The following SLC5A7 variants were observed in gnomAD, a reference collection of about 807,000 sequenced individuals.
SLC5A7 encodes high affinity choline transporter 1.
In SLC5A7, 19 loss-of-function variants were observed where a neutral mutation model predicts 55.4. That is an observed-to-expected ratio of 0.34 (90% CI 0.24 to 0.50). The LOEUF is 0.50. Among genes scored for constraint, SLC5A7 ranks in the 20% least tolerant of loss-of-function variants. The pLI is 0.98. For synonymous variants in SLC5A7, 265 were observed against 263.7 expected (o/e 1.00, Z -0.05); for missense variants, 506 against 705.3 (o/e 0.72, Z 3.20).
At chr2:108,005,448 G>C (rs1428885589) in intron 6 of SLC5A7, among the ~76,000 whole-genome samples, 1 of 152,166 alleles carries the variant, frequency 6.6e-6, no homozygotes, top group Non-Finnish European at 1.5e-5. Flanking sequence ...CTCTGGGGTA[G>C]TTTAAATACA....
chr2:107,988,490 T>C (rs374637770), intron 2 of SLC5A7, among the ~76,000 whole-genome samples, 157 bp downstream of exon 2: 2 of 152,240 alleles, frequency 1.3e-5, no homozygotes, highest in African/African-American at 4.8e-5. Flanking sequence ...TAATTTTCTA[T>C]TGATTTAAAA....
intron 1 of SLC5A7, among the ~76,000 whole-genome samples, chr2:107,987,527 G>A (rs552526168): frequency 6.6e-6 from 1 of 151,822 alleles, no homozygotes; most frequent in Non-Finnish European, 1.5e-5. Context: ...TGAAAATGTG[G>A]AGTTTGATGT....
chr2:108,006,302 T>A (rs1177912683), intron 7 of SLC5A7, 100 bp downstream of exon 7: 7 of 1,330,216 alleles, frequency 5.3e-6, no homozygotes, highest in Non-Finnish European at 5.3e-6. Flanking sequence ...CATAGTGAAT[T>A]CTTTCTCACC....
At chr2:107,995,438 T>G (rs2104348623) in intron 4 of SLC5A7, among the ~76,000 whole-genome samples, 1 of 148,252 alleles carries the variant, frequency 6.7e-6, no homozygotes, top group East Asian at 2.0e-4. Context: ...TTGCTTGAAC[T>G]CTTTGGGAGA....
chr2:108,006,675 T>C (rs1678136574), intron 7 of SLC5A7, among the ~76,000 whole-genome samples: 3 of 152,094 alleles, frequency 2.0e-5, no homozygotes, highest in Admixed American at 2.0e-4. Flanking sequence ...GGTGGGGAGA[T>C]CTTTTAAAAA....
rs866214657 is a variant in SLC5A7 at position 108,011,684 on chromosome 2, C to T, written c.*823C>T. ...TATCTCAAGTATATAAAGTTTTGCC[C>T]CATGATAAAATAAGTAACATATAAA... On this transcript the variant is annotated 3_prime_UTR_variant, in exon 9 of 9. Coordinates refer to ENST00000264047, the MANE Select transcript of SLC5A7 (RefSeq NM_021815.5). 1 of 151,828 alleles carries T rather than the reference C, an allele frequency of 6.6e-6. No individual in the cohort carries two copies. The highest frequency in any genetic ancestry group is 6.6e-5 in the Admixed American group (1 of 15,220). 9.4% of individuals were successfully genotyped at this position (151,828 alleles called of 1,614,324 possible).
chr2:108,010,089 G>T, intron 8 of SLC5A7, 143 bp from the exon 9 acceptor site: 1 of 941,576 alleles, frequency 1.1e-6, no homozygotes. Context: ...TGCTGTAGCT[G>T]TAGTTGGTTT....
intron 4 of SLC5A7, among the ~76,000 whole-genome samples, chr2:107,997,101 T>C (rs1677699212): frequency 6.6e-6 from 1 of 152,232 alleles, no homozygotes; most frequent in African/African-American, 2.4e-5. Context: ...GTGATCATGT[T>C]TCTCAGAAAG....
chr2:107,997,498 T>C (rs570718082), intron 4 of SLC5A7, among the ~76,000 whole-genome samples: 1 of 152,350 alleles, frequency 6.6e-6, no homozygotes, highest in African/African-American at 2.4e-5. Flanking sequence ...TGTATTTGAT[T>C]GAGTCAGAGT....
At chr2:108,001,672 CAAAA>C (rs71309338) in intron 5 of SLC5A7, among the ~76,000 whole-genome samples, 2 of 75,408 alleles carry the variant, frequency 2.7e-5, no homozygotes, top group Non-Finnish European at 4.9e-5. Context: ...GACTCCGTCT[CAAAA>C]AAAAAAAAAA....
chr2:108,003,181 G>C (rs1050934763), intron 6 of SLC5A7, among the ~76,000 whole-genome samples: 1 of 152,120 alleles, frequency 6.6e-6, no homozygotes, highest in African/African-American at 2.4e-5. Flanking sequence ...AGGAGTAAGA[G>C]TAAATATGTA....
Position 108,011,309 on chromosome 2 carries a change from G to C in SLC5A7, c.*448G>C, listed in dbSNP as rs1678319130. 2 of 153,066 alleles carry C rather than the reference G, an allele frequency of 1.3e-5. No homozygotes were observed. Among genetic ancestry groups the C allele is most frequent in the Admixed American group, 1.3e-4 (2 of 15,298 alleles). The allele number at this position is 153,066 out of a possible 1,614,324, so 9.5% of individuals were successfully genotyped here. A position where few individuals can be genotyped will look rare whatever the true frequency, so the allele number is the denominator to read the frequency against. Reference sequence around the variant, plus strand: ...AATAACTTCAGTCACTCCCTTGAATGGTGCAATGAATTAACCAGCTGATTT... The same window carrying C: ...AATAACTTCAGTCACTCCCTTGAATCGTGCAATGAATTAACCAGCTGATTT... On this transcript the variant is annotated 3_prime_UTR_variant, in exon 9 of 9. Coordinates refer to ENST00000264047, the MANE Select transcript of SLC5A7 (RefSeq NM_021815.5).
At chr2:108,007,015 A>G (rs1402980810) in intron 7 of SLC5A7, among the ~76,000 whole-genome samples, 1 of 152,220 alleles carries the variant, frequency 6.6e-6, no homozygotes, top group Non-Finnish European at 1.5e-5. Flanking sequence ...TGAAATGTTT[A>G]TCTCCCTGTT....
At chr2:107,992,608 T>G (rs979305981) in intron 3 of SLC5A7, among the ~76,000 whole-genome samples, 10 of 152,298 alleles carry the variant, frequency 6.6e-5, no homozygotes, top group Non-Finnish European at 1.2e-4. Flanking sequence ...AGGTACCTCA[T>G]TTTTGGGGCA....
chr2:107,986,925 A>G (rs1198726932), intron 1 of SLC5A7, among the ~76,000 whole-genome samples, 162 bp downstream of exon 1: 1 of 151,956 alleles, frequency 6.6e-6, no homozygotes, highest in African/African-American at 2.4e-5. Context: ...GTCAGGGTGC[A>G]AGAGGCTACA....
In SLC5A7 at chr2:108,010,340, C is replaced by G; in HGVS notation, c.1222C>G (p.Leu408Val). 6.2e-7 allele frequency: 1 copy of G among 1,613,934 alleles called. No homozygotes were observed. Among genetic ancestry groups the G allele is most frequent in the Non-Finnish European group, 8.5e-7 (1 of 1,179,916 alleles). The change falls in exon 9 of 9, where the codon CTC becomes GTC. Residue 408 changes from leucine (L) to valine (V), a missense_variant. Transcript: ENST00000264047. Reference protein sequence around the residue: ...LTKTVYGLWYLSSDLVYIVIF... With the variant: ...LTKTVYGLWYVSSDLVYIVIF... ...GAAAACTGTGTATGGGCTCTGGTAC[C>G]TCAGTTCTGACCTTGTTTACATCGT...
At chr2:108,000,884 A>C (rs1025915890) in intron 5 of SLC5A7, among the ~76,000 whole-genome samples, 1 of 149,994 alleles carries the variant, frequency 6.7e-6, no homozygotes, top group Non-Finnish European at 1.5e-5. Context: ...CCTGAGCCAC[A>C]GTGCTCGGCA....
rs1282379209 is a variant in SLC5A7, at chr2:108,005,947, A to G, written c.742-102A>G. Reference sequence around the variant, plus strand: ...GGCTACATGCCACATTTTTTTTACTACTTCTAAGTTGTACTTAGGCCTATT... The same window carrying G: ...GGCTACATGCCACATTTTTTTTACTGCTTCTAAGTTGTACTTAGGCCTATT... On this transcript the variant is annotated intron_variant, in intron 6 of 8. Transcript: ENST00000264047. 2.9e-6 allele frequency: 4 copies of G among 1,395,810 alleles called. No homozygotes were observed. The African/African-American group carries it at 4.3e-5, about 15-fold the overall frequency. The allele number at this position is 1,395,810 out of a possible 1,614,324, so 86.5% of individuals were successfully genotyped here.
At chr2:107,995,453 G>T (rs1002486809) in intron 4 of SLC5A7, among the ~76,000 whole-genome samples, 2 of 120,120 alleles carry the variant, frequency 1.7e-5, no homozygotes, top group Non-Finnish European at 3.5e-5. Context: ...GGGAGAGAGA[G>T]AGAGAGAGAG....
Sources: gnomAD v4.1 joint callset for allele counts (sites outside exome capture counted in the v4.1 genomes callset) on GRCh38, gnomAD v4.1.1 for gene constraint, MANE v1.5 for transcripts, NCBI Gene and HGNC (gene_info 2026-07-23, HGNC 2026-07-21) for gene names.